BMPR1A: variants seen among roughly 807,000 people sequenced by gnomAD.
BMPR1A encodes the protein bone morphogenetic protein receptor type-1A.
BMPR1A carries 7 observed loss-of-function variants against 66.0 expected under a neutral mutation model. The ratio of observed to expected loss-of-function variants is 0.11; its 90% CI spans 0.06 to 0.20. The LOEUF (loss-of-function observed/expected upper bound fraction) is 0.20, where lower values mean the gene tolerates loss of function less well. Ranked by LOEUF, BMPR1A falls within the 10% of genes least tolerant of loss-of-function variation. BMPR1A has a pLI of 1.00. For synonymous variants in BMPR1A, 200 were observed against 229.7 expected (o/e 0.87, Z 1.17); for missense variants, 408 against 669.1 (o/e 0.61, Z 4.31).
chr10:86,867,914 A>C (rs1157422247), intron 2 of BMPR1A, among the ~76,000 whole-genome samples: 1 of 152,230 alleles, frequency 6.6e-6, no homozygotes, highest in East Asian at 1.9e-4. Context: ...ACAGTTGAGC[A>C]GAAATACAAA....
At chr10:86,810,694 T>C (rs957502977) in intron 1 of BMPR1A, among the ~76,000 whole-genome samples, 9 of 152,386 alleles carry the variant, frequency 5.9e-5, no homozygotes, top group Admixed American at 2.6e-4. Flanking sequence ...TTATTGCTCA[T>C]ATGCATATGT....
chr10:86,886,793 C>G (rs1176469195), intron 3 of BMPR1A, among the ~76,000 whole-genome samples: 1 of 148,032 alleles, frequency 6.8e-6, no homozygotes, highest in Non-Finnish European at 1.5e-5. Context: ...GAGCCTTTTC[C>G]TTTGTTTACA....
Position 86,875,834 on chromosome 10 carries a change from A to G in BMPR1A, c.-152-33A>G. The G allele has an allele frequency of 6.3e-6, 4 of 634,438 alleles. No homozygotes were observed. In the South Asian group the frequency reaches 7.7e-5, roughly 12 times the overall value. 39.3% of individuals were successfully genotyped at this position (634,438 alleles called of 1,614,324 possible). A position where few individuals can be genotyped will look rare whatever the true frequency, so the allele number is the denominator to read the frequency against. ...TGAAAAATTTCCAAAATTCAGTTGTATTCCTTACCTTTTAAATATTTTTGT... is the reference window on the plus strand; with the variant it reads ...TGAAAAATTTCCAAAATTCAGTTGTGTTCCTTACCTTTTAAATATTTTTGT... On this transcript the variant is annotated intron_variant, in intron 2 of 12. Transcript: ENST00000372037.
At chr10:86,769,905 C>A (rs1841224958) in intron 1 of BMPR1A, among the ~76,000 whole-genome samples, 1 of 149,236 alleles carries the variant, frequency 6.7e-6, no homozygotes, top group African/African-American at 2.5e-5. Flanking sequence ...CAGTGACCTT[C>A]TTTTAGTTCA....
chr10:86,880,613 A>G (rs554603584), intron 3 of BMPR1A, among the ~76,000 whole-genome samples: 28 of 152,332 alleles, frequency 1.8e-4, no homozygotes, highest in Non-Finnish European at 3.8e-4. Flanking sequence ...CAAGTTGCAA[A>G]GCTGCTTTCT....
At chr10:86,858,989 A>T (rs1842679541) in intron 2 of BMPR1A, among the ~76,000 whole-genome samples, 1 of 152,226 alleles carries the variant, frequency 6.6e-6, no homozygotes, top group African/African-American at 2.4e-5. Flanking sequence ...AAAAGGACAA[A>T]GCTAGAGGCA....
intron 1 of BMPR1A, among the ~76,000 whole-genome samples, chr10:86,782,297 T>G (rs546417980): frequency 6.6e-6 from 1 of 152,224 alleles, no homozygotes; most frequent in South Asian, 2.1e-4. Flanking sequence ...TGGACAAGAG[T>G]ATGTAAATAT....
chr10:86,760,193 T>TTG (rs1841021571), intron 1 of BMPR1A, among the ~76,000 whole-genome samples: 1 of 148,858 alleles, frequency 6.7e-6, no homozygotes, highest in Non-Finnish European at 1.5e-5. Flanking sequence ...TACCTGTTTT[T>TTG]TTTTTTTTTT....
intron 1 of BMPR1A, among the ~76,000 whole-genome samples, chr10:86,791,415 T>C (rs1422257707): frequency 6.6e-6 from 1 of 152,014 alleles, no homozygotes; most frequent in Non-Finnish European, 1.5e-5. Context: ...GGTTTCACCA[T>C]GTTGGCCAGG....
At chr10:86,896,912 A>G (rs1843231194) in intron 5 of BMPR1A, among the ~76,000 whole-genome samples, 1 of 152,166 alleles carries the variant, frequency 6.6e-6, no homozygotes, top group African/African-American at 2.4e-5. Flanking sequence ...ACGTCACCCA[A>G]GCACAGCACT....
intron 1 of BMPR1A, among the ~76,000 whole-genome samples, chr10:86,835,259 A>AC (rs1464059729): frequency 6.6e-6 from 1 of 150,628 alleles, no homozygotes; most frequent in Non-Finnish European, 1.5e-5. Context: ...GAAAAAAAAA[A>AC]AAAACAGAAA....
chr10:86,788,339 C>A (rs1841547812), intron 1 of BMPR1A, among the ~76,000 whole-genome samples: 1 of 152,150 alleles, frequency 6.6e-6, no homozygotes, highest in African/African-American at 2.4e-5. Flanking sequence ...CTCTTTTCAT[C>A]AACTTCATGC....
chr10:86,878,391 T>G (rs890878131), intron 3 of BMPR1A, among the ~76,000 whole-genome samples: 1 of 152,258 alleles, frequency 6.6e-6, no homozygotes, highest in Non-Finnish European at 1.5e-5. Context: ...TTAGTTCTTA[T>G]TTTTTAAGAC....
At chr10:86,845,912 G>C (rs1252309277) in intron 2 of BMPR1A, among the ~76,000 whole-genome samples, 1 of 151,990 alleles carries the variant, frequency 6.6e-6, no homozygotes. Context: ...CAGGAGAATG[G>C]CGTGGACTCG....
At chr10:86,809,613 C>CTTTT (rs1564691704) in intron 1 of BMPR1A, among the ~76,000 whole-genome samples, 1 of 106,680 alleles carries the variant, frequency 9.4e-6, no homozygotes, top group African/African-American at 3.5e-5. Context: ...TTTTTTTTTT[C>CTTTT]TCTTTTTTCT....
chr10:86,874,393 G>A (rs986381797), intron 2 of BMPR1A, among the ~76,000 whole-genome samples: 22 of 148,128 alleles, frequency 1.5e-4, no homozygotes, highest in African/African-American at 4.4e-4. Flanking sequence ...TTTTCCCTCC[G>A]CTCCCCTCCC....
intron 1 of BMPR1A, among the ~76,000 whole-genome samples, chr10:86,777,901 T>C (rs1841377790): frequency 6.6e-6 from 1 of 151,892 alleles, no homozygotes; most frequent in Admixed American, 6.6e-5. Context: ...TAATCTCATC[T>C]ACCGGGGATG....
chr10:86,855,952 C>G lies in BMPR1A; in HGVS notation c.-153+16973C>G. ...ATGTTTTAATGGCTTTACTGCATAA[C>G]TATTTCTTTTCCAGAATGGCCACTT... On this transcript the variant is annotated intron_variant, in intron 2 of 12. Transcript: ENST00000372037. 7.9e-6 allele frequency: 5 copies of G among 636,592 alleles called. No individual in the cohort carries two copies. In the South Asian group the frequency reaches 8.5e-5, roughly 11 times the overall value. The allele number at this position is 636,592 out of a possible 1,614,324, so 39.4% of individuals were successfully genotyped here. A position where few individuals can be genotyped will look rare whatever the true frequency, so the allele number is the denominator to read the frequency against.
chr10:86,760,905 T>C (rs1841045324), intron 1 of BMPR1A, among the ~76,000 whole-genome samples: 1 of 152,230 alleles, frequency 6.6e-6, no homozygotes, highest in Admixed American at 6.5e-5. Context: ...GTTATGTCCA[T>C]TGTAAGATAC....
Sources: allele counts gnomAD v4.1 joint callset (sites outside exome capture counted in the v4.1 genomes callset), GRCh38; gene constraint gnomAD v4.1.1; transcripts MANE v1.5; gene names NCBI Gene and HGNC (gene_info 2026-07-23, HGNC 2026-07-21).